The following PCDHA3 variants were observed in gnomAD, a reference collection of about 807,000 sequenced individuals.
PCDHA3 encodes the protein protocadherin alpha-3.
In PCDHA3, 41 loss-of-function variants were observed where a neutral mutation model predicts 62.2. That is an observed-to-expected ratio of 0.66 (90% CI 0.51 to 0.86). The LOEUF (loss-of-function observed/expected upper bound fraction) is 0.86, where lower values mean the gene tolerates loss of function less well. PCDHA3 is among the 40% of genes least tolerant of loss of function. The pLI is 0.00. For synonymous variants in PCDHA3, 640 were observed against 555.4 expected (o/e 1.15, Z -2.14); for missense variants, 1,304 against 1,241.2 (o/e 1.05, Z -0.76).
At chr5:140,828,717 A>G in intron 1 of PCDHA3, 7 of 1,614,226 alleles carry the variant, frequency 4.3e-6, no homozygotes, top group Non-Finnish European at 5.9e-6. Context: ...CCTGCACACA[A>G]CTTATTCCTG....
At chr5:140,990,542 C>T (rs2097399330) in intron 3 of PCDHA3, among the ~76,000 whole-genome samples, 1 of 152,180 alleles carries the variant, frequency 6.6e-6, no homozygotes, top group South Asian at 2.1e-4. Context: ...ATCATAGATA[C>T]TGTATTACCC....
chr5:140,805,556 G>A, intron 1 of PCDHA3: 1 of 977,096 alleles, frequency 1.0e-6, no homozygotes, highest in Non-Finnish European at 1.2e-6. Context: ...GGATATAGGA[G>A]GCAAGGAAAG....
chr5:140,880,645 C>T (rs535367313), intron 1 of PCDHA3, among the ~76,000 whole-genome samples: 5 of 152,148 alleles, frequency 3.3e-5, no homozygotes, highest in Admixed American at 3.3e-4. Flanking sequence ...CACTTGAGAG[C>T]CCAACTGAGG....
rs782133089 is a variant in PCDHA3, at chr5:140,924,894, C to CAAAAA, written c.2395-54048_2395-54044dup. Among the ~76,000 whole-genome samples, 201 of 71,494 alleles carry CAAAAA rather than the reference C, an allele frequency of 2.8e-3. 5 individuals are homozygous for CAAAAA. In the East Asian group the frequency reaches 0.084, roughly 30 times the overall value. The allele number at this position is 71,494 out of a possible 152,430, so 46.9% of individuals were successfully genotyped here. On this transcript the variant is annotated intron_variant, in intron 1 of 3. Coordinates refer to ENST00000522353, the MANE Select transcript of PCDHA3 (RefSeq NM_018906.3). ...TGGGTGACAGAGCAAGAACCTGTCT[C>CAAAAA]AAAAAAAAAAATAAAATAAAATAAA...
chr5:140,934,822 T>C (rs2090051776), intron 1 of PCDHA3, among the ~76,000 whole-genome samples: 1 of 152,218 alleles, frequency 6.6e-6, no homozygotes. Flanking sequence ...ATGCTAACTT[T>C]GGCAAGTTGG....
chr5:140,931,473 A>G (rs2087545332), intron 1 of PCDHA3, among the ~76,000 whole-genome samples: 1 of 152,066 alleles, frequency 6.6e-6, no homozygotes, highest in Admixed American at 6.6e-5. Flanking sequence ...TGACAGAGGA[A>G]AAAACAACCC....
chr5:140,862,165 T>C (rs1003648198), intron 1 of PCDHA3: 39 of 164,612 alleles, frequency 2.4e-4, no homozygotes, highest in Non-Finnish European at 2.3e-4. Context: ...AAGATTCAAA[T>C]ACAGGCAGTT....
rs1554262627 is a variant in PCDHA3 at position 141,009,982 on chromosome 5, T to C, written c.*45T>C. On this transcript the variant is annotated 3_prime_UTR_variant, in exon 4 of 4. Transcript: ENST00000522353. ...GCCACTTAGCCAGTTTTTGTAATAA[T>C]GGCAAATCTCTCCCATGTAGCAATT... 1 of 1,582,572 alleles carries C rather than the reference T, an allele frequency of 6.3e-7. No homozygotes were observed. Among genetic ancestry groups the C allele is most frequent in the East Asian group, 2.2e-5 (1 of 44,666 alleles).
intron 1 of PCDHA3, chr5:140,884,317 G>A (rs1401667312): frequency 3.1e-6 from 5 of 1,613,662 alleles, no homozygotes; most frequent in African/African-American, 2.7e-5. Flanking sequence ...CGAGGGCGTC[G>A]GCAGGCGCTG....
chr5:140,967,364 C>T, intron 1 of PCDHA3: 2 of 1,607,620 alleles, frequency 1.2e-6, no homozygotes, highest in Non-Finnish European at 1.7e-6. Flanking sequence ...CCTTAAGCCC[C>T]TGCAGGAGAA....
intron 1 of PCDHA3, among the ~76,000 whole-genome samples, chr5:140,975,369 T>G (rs2096664514): frequency 6.6e-6 from 1 of 152,230 alleles, no homozygotes; most frequent in Admixed American, 6.5e-5. Flanking sequence ...CATAGCATAA[T>G]GTAATCATGG....
intron 1 of PCDHA3, chr5:140,829,721 C>T: frequency 1.2e-6 from 2 of 1,613,590 alleles, no homozygotes; most frequent in Non-Finnish European, 1.7e-6. Flanking sequence ...GGGCGTGCCG[C>T]CTCTGGGCAG....
intron 1 of PCDHA3, among the ~76,000 whole-genome samples, chr5:140,891,372 G>A (rs1256551608): frequency 1.3e-5 from 2 of 151,962 alleles, no homozygotes; most frequent in Non-Finnish European, 2.9e-5. Flanking sequence ...AGTATACATT[G>A]CACCATATTT....
intron 1 of PCDHA3, chr5:140,842,933 C>T (rs1356851691): frequency 6.3e-7 from 1 of 1,594,540 alleles, no homozygotes. Flanking sequence ...GGTGAGCGCG[C>T]GCGACGCGGG....
At chr5:140,958,192 C>G (rs1554223363) in intron 1 of PCDHA3, among the ~76,000 whole-genome samples, 1 of 151,790 alleles carries the variant, frequency 6.6e-6, no homozygotes, top group Non-Finnish European at 1.5e-5. Context: ...TGTTACTGGT[C>G]TAGTATACAA....
Position 140,846,597 on chromosome 5 carries a change from A to C in PCDHA3, c.2394+43006A>C, listed in dbSNP as rs2150392674. 8.1e-5 allele frequency among the ~76,000 whole-genome samples: 12 copies of C among 148,550 alleles called. 1 individual carries two copies. The East Asian group carries it at 2.3e-3, about 29-fold the overall frequency. On this transcript the variant is annotated intron_variant, in intron 1 of 3. Coordinates refer to ENST00000522353, the MANE Select transcript of PCDHA3 (RefSeq NM_018906.3). ...CACCATGTTAGCCAGGATGGTCTCG[A>C]TCTCCTGACCTCCTGATCCGCCCAC...
chr5:140,942,680 A>C (rs2093354394), intron 1 of PCDHA3, among the ~76,000 whole-genome samples: 1 of 152,218 alleles, frequency 6.6e-6, no homozygotes, highest in African/African-American at 2.4e-5. Context: ...AAGTTTTAGG[A>C]ATAACTTTAA....
At chr5:140,897,353 T>C (rs1363658526) in intron 1 of PCDHA3, among the ~76,000 whole-genome samples, 3 of 116,194 alleles carry the variant, frequency 2.6e-5, no homozygotes, top group Non-Finnish European at 4.9e-5. Flanking sequence ...CCCACAACTG[T>C]CCCCAGAGTG....
At chr5:141,005,285 A>T (rs1285354488) in intron 3 of PCDHA3, among the ~76,000 whole-genome samples, 1 of 152,218 alleles carries the variant, frequency 6.6e-6, no homozygotes, top group Non-Finnish European at 1.5e-5. Context: ...ATAAACAGAT[A>T]CATTTTTTGC....
Sources: gnomAD v4.1 joint callset for allele counts (sites outside exome capture counted in the v4.1 genomes callset) on GRCh38, gnomAD v4.1.1 for gene constraint, MANE v1.5 for transcripts, NCBI Gene and HGNC (gene_info 2026-07-23, HGNC 2026-07-21) for gene names.